The following ST14 variants were observed in gnomAD, a reference collection of about 807,000 sequenced individuals.
ST14 encodes the protein suppressor of tumorigenicity 14 protein.
A neutral mutation model predicts 96.5 loss-of-function variants in ST14; 40 were observed. That is an observed-to-expected ratio of 0.41 (90% CI 0.32 to 0.54). The LOEUF is 0.54. ST14 is among the 20% of genes least tolerant of loss of function. The pLI is 0.17. For synonymous variants in ST14, 506 were observed against 492.1 expected, an observed-to-expected ratio of 1.03 and a Z score of -0.37; for missense variants, 1,066 against 1,188.9, an observed-to-expected ratio of 0.90 and a Z score of 1.52.
chr11:130,160,127 T>G (rs1952987873), intron 1 of ST14, 67 bp downstream of exon 1: 1 of 1,157,842 alleles, frequency 8.6e-7, no homozygotes, highest in Non-Finnish European at 1.1e-6. Context: ...AGCGCGGCGC[T>G]GGGCTCGGCC....
chr11:130,174,252 G>A (rs1455873321), intron 1 of ST14, among the ~76,000 whole-genome samples: 1 of 152,202 alleles, frequency 6.6e-6, no homozygotes, highest in Admixed American at 6.5e-5. Flanking sequence ...GAGGGAGGCG[G>A]TGGCCACAGC....
rs1221913674 is a variant in ST14, at chr11:130,189,825, AGCGC to A, written c.529_532del (p.Arg177Ter). The A allele has an allele frequency of 6.2e-7, 1 of 1,613,900 alleles. No individual in the cohort carries two copies. Among genetic ancestry groups the A allele is most frequent in the Non-Finnish European group, 8.5e-7 (1 of 1,179,948 alleles). On this transcript the variant is annotated frameshift_variant, in exon 5 of 19. Coordinates refer to ENST00000278742, the MANE Select transcript of ST14 (RefSeq NM_021978.4). LOFTEE classifies it high-confidence loss of function. ...GAGGCCGAGCGCGTCATGGCCGAGG[AGCGC>A]GTAGTCATGCTGCCCCCGCGGGCGC...
Position 130,188,824 on chromosome 11 carries a change from G to T in ST14, c.370-45G>T. 4 of 1,606,478 alleles carry T rather than the reference G, an allele frequency of 2.5e-6. No individual in the cohort carries two copies. The highest frequency in any genetic ancestry group is 3.4e-6 in the Non-Finnish European group (4 of 1,176,218). ...GGGAGCAGCCCGGGCTTGGGGCAGGGTCATCGCCGCATGGGGCTCACCTTG... is the reference window on the plus strand; with the variant it reads ...GGGAGCAGCCCGGGCTTGGGGCAGGTTCATCGCCGCATGGGGCTCACCTTG... On this transcript the variant is annotated intron_variant, in intron 3 of 18. Transcript: ENST00000278742. The surrounding 1 kb of genome is among the most constrained non-coding windows in gnomAD (Gnocchi z 5.4).
chr11:130,188,970 C>A lies in ST14; in HGVS notation c.440+31C>A. On this transcript the variant is annotated intron_variant, in intron 4 of 18. Transcript: ENST00000278742. The surrounding 1 kb of genome is among the most constrained non-coding windows in gnomAD (Gnocchi z 5.4). ...TGTGGAGAGAAGGCTCAGTGGGATG[C>A]ACCCCAGACTGGCTGGGAGTAGGAT... is the stretch of plus-strand genomic sequence containing the variant. 1 of 1,593,218 alleles carries A rather than the reference C, an allele frequency of 6.3e-7. No homozygotes were observed. The highest frequency in any genetic ancestry group is 8.6e-7 in the Non-Finnish European group (1 of 1,169,094).
intron 16 of ST14, among the ~76,000 whole-genome samples, chr11:130,206,573 T>TA (rs1191411027): frequency 1.3e-5 from 2 of 151,566 alleles, no homozygotes; most frequent in Non-Finnish European, 2.9e-5. Context: ...TTTTCTTTTT[T>TA]TTTTTCTTTT....
intron 15 of ST14, 24 bp downstream of exon 15, chr11:130,199,093 T>C (rs1565627379): frequency 9.9e-6 from 16 of 1,608,348 alleles, no homozygotes; most frequent in Non-Finnish European, 1.4e-5. Flanking sequence ...CCGAGTACGG[T>C]TGTGCAGGTT....
intron 1 of ST14, among the ~76,000 whole-genome samples, chr11:130,179,274 A>G (rs1284644609): frequency 6.6e-6 from 1 of 152,210 alleles, no homozygotes; most frequent in Admixed American, 6.5e-5. Flanking sequence ...CATTTGTTTC[A>G]GTTGATTGTT....
At chr11:130,207,633 C>G (rs571874549) in intron 16 of ST14, among the ~76,000 whole-genome samples, 1 of 152,240 alleles carries the variant, frequency 6.6e-6, no homozygotes, top group Non-Finnish European at 1.5e-5. Context: ...CCTCCCTTTC[C>G]CCCCAGTGGG....
chr11:130,199,341 G>A (rs765495308), intron 15 of ST14, among the ~76,000 whole-genome samples: 1 of 152,212 alleles, frequency 6.6e-6, no homozygotes, highest in African/African-American at 2.4e-5. Context: ...TGCGTTGCTG[G>A]CCCCTGCTGT....
In ST14 at chr11:130,181,254, C is replaced by G. The variant is rs1953190057; in HGVS notation, c.82-6860C>G. Among the ~76,000 whole-genome samples, 1 of 152,024 alleles carries G rather than the reference C, an allele frequency of 6.6e-6. No individual in the cohort carries two copies. On this transcript the variant is annotated intron_variant, in intron 1 of 18. Transcript: ENST00000278742. This position sits in a 1 kb window ranked among gnomAD's most constrained non-coding sequence, Gnocchi z 4.1. ...GTGGTGGTCCCTGTTAGATCCTGGC[C>G]CTTTAGGGTCTGTACCCTGCTTGTC...
intron 1 of ST14, among the ~76,000 whole-genome samples, chr11:130,163,347 G>A (rs1953013362): frequency 6.6e-6 from 1 of 152,188 alleles, no homozygotes; most frequent in African/African-American, 2.4e-5. Flanking sequence ...AAGAAAATGT[G>A]TGCCAGCTGC....
At chr11:130,169,843 A>C (rs1224292095) in intron 1 of ST14, among the ~76,000 whole-genome samples, 1 of 152,202 alleles carries the variant, frequency 6.6e-6, no homozygotes. Context: ...AAACGAATGA[A>C]AAGAAGTTAC....
rs1324436644 is a variant in ST14, at chr11:130,160,007, G to T, written c.28G>T (p.Gly10Ter). 6 of 1,424,168 alleles carry T rather than the reference G, an allele frequency of 4.2e-6. No homozygotes were observed. Among genetic ancestry groups the T allele is most frequent in the Non-Finnish European group, 4.6e-6 (5 of 1,080,178 alleles). 88.2% of individuals were successfully genotyped at this position (1,424,168 alleles called of 1,614,324 possible). A position where few individuals can be genotyped will look rare whatever the true frequency, so the allele number is the denominator to read the frequency against. Residue 10 changes from glycine (G) to a stop codon, truncating the protein, a stop_gained, in exon 1 of 19, where the codon GGA (glycine) becomes TGA (stop). Transcript: ENST00000278742. LOFTEE classifies it high-confidence loss of function. Reference protein sequence around the residue: MGSDRARKGGGGPKDFGAGL... With the variant: MGSDRARKG ...GGGGAGCGATCGGGCCCGCAAGGGCGGAGGGGGCCCGAAGGACTTCGGCGC... is the reference window on the plus strand; with the variant it reads ...GGGGAGCGATCGGGCCCGCAAGGGCTGAGGGGGCCCGAAGGACTTCGGCGC...
chr11:130,183,105 CACG>C (rs1187891398), intron 1 of ST14, among the ~76,000 whole-genome samples: 1 of 151,812 alleles, frequency 6.6e-6, no homozygotes, highest in Non-Finnish European at 1.5e-5. Flanking sequence ...TACAGGCGTC[CACG>C]ACCACGCCTG....
intron 16 of ST14, among the ~76,000 whole-genome samples, chr11:130,204,362 T>C (rs117003554): frequency 7.2e-5 from 11 of 152,312 alleles, no homozygotes; most frequent in Admixed American, 2.6e-4. Flanking sequence ...TCTTTTAGGC[T>C]GTGGAATGGG....
rs1191520121 is a variant in ST14, at chr11:130,200,194, T to A, written c.1994+57T>A. On this transcript the variant is annotated intron_variant, in intron 16 of 18. Coordinates refer to ENST00000278742, the MANE Select transcript of ST14 (RefSeq NM_021978.4). ...CTTGCTGGCCCTTTGCATCTGGGAG[T>A]AATGCCAGGATAGGTTGGCACCGAG... 3 of 1,598,148 alleles carry A rather than the reference T, an allele frequency of 1.9e-6. No individual in the cohort carries two copies. The Admixed American group carries it at 5.2e-5, about 28-fold the overall frequency.
At chr11:130,170,900 C>A (rs1953086603) in intron 1 of ST14, among the ~76,000 whole-genome samples, 1 of 151,710 alleles carries the variant, frequency 6.6e-6, no homozygotes, top group Non-Finnish European at 1.5e-5. Context: ...TTGATTTAGA[C>A]TACTTTATTG....
chr11:130,181,801 T>C lies in ST14; in HGVS notation c.82-6313T>C, dbSNP rs1307329470. The stretch of plus-strand genomic sequence containing the variant: ...ACAGTATCTCTGTTACACCTGAAAA[T>C]GGAGCCAAGAGCTAAGGTTATAAAA... On this transcript the variant is annotated intron_variant, in intron 1 of 18. Coordinates refer to ENST00000278742, the MANE Select transcript of ST14 (RefSeq NM_021978.4). This position sits in a 1 kb window ranked among gnomAD's most constrained non-coding sequence, Gnocchi z 4.1. Among the ~76,000 whole-genome samples, 5 of 152,328 alleles carry C rather than the reference T, an allele frequency of 3.3e-5. No individual in the cohort carries two copies. In the East Asian group the frequency reaches 9.6e-4, roughly 29 times the overall value.
chr11:130,163,610 G>A (rs562651367), intron 1 of ST14, among the ~76,000 whole-genome samples: 2 of 152,288 alleles, frequency 1.3e-5, no homozygotes, highest in East Asian at 3.9e-4. Context: ...GCAGGTGTGT[G>A]CAGTGGGTGA....
Sources: allele counts gnomAD v4.1 joint callset (sites outside exome capture counted in the v4.1 genomes callset), GRCh38; gene constraint gnomAD v4.1.1; non-coding constraint Gnocchi (gnomAD v3.1); transcripts MANE v1.5; gene names NCBI Gene and HGNC (gene_info 2026-07-23, HGNC 2026-07-21).